Variants in CA12 observed in about 807,000 individuals in gnomAD.
CA12 encodes carbonate dehydratase XII.
A neutral mutation model predicts 46.8 loss-of-function variants in CA12; 36 were observed. The observed-to-expected ratio is 0.77, with a 90% confidence interval of 0.59 to 1.02. CA12 has a LOEUF of 1.02. Ranked by LOEUF, CA12 falls within the 50% of genes least tolerant of loss-of-function variation. CA12 has a pLI of 0.00. For synonymous variants in CA12, 202 were observed against 187.0 expected (o/e 1.08, Z -0.65); for missense variants, 436 against 451.4 (o/e 0.97, Z 0.31).
At chr15:63,379,508 G>T (rs758414534) in intron 1 of CA12, among the ~76,000 whole-genome samples, 3 of 152,208 alleles carry the variant, frequency 2.0e-5, no homozygotes, top group Non-Finnish European at 1.5e-5. Flanking sequence ...CCAGGCCAAG[G>T]CCTCAGTGGC....
Position 63,358,636 on chromosome 15 carries a change from T to A in CA12, c.107-11927A>T, listed in dbSNP as rs1018287622. 7.6e-4 allele frequency among the ~76,000 whole-genome samples: 116 copies of A among 152,212 alleles called. 1 individual carries two copies. Among genetic ancestry groups the A allele is most frequent in the Non-Finnish European group, 1.9e-4 (13 of 68,026 alleles). On this transcript the variant is annotated intron_variant, in intron 2 of 10. Coordinates refer to ENST00000178638, the MANE Select transcript of CA12 (RefSeq NM_001218.5). Reference sequence around the variant, plus strand: ...AGAAGCCATGACTTGATTTGGCATTTAGACAGCAGGCCGGGGGAAATCGGG... The same window carrying A: ...AGAAGCCATGACTTGATTTGGCATTAAGACAGCAGGCCGGGGGAAATCGGG...
intron 4 of CA12, among the ~76,000 whole-genome samples, chr15:63,344,318 C>G (rs1410857040): frequency 6.6e-6 from 1 of 152,212 alleles, no homozygotes; most frequent in Non-Finnish European, 1.5e-5. Flanking sequence ...AATATTGAAG[C>G]CCTCAAAATC....
chr15:63,334,904 C>T (rs2038981057), intron 8 of CA12, among the ~76,000 whole-genome samples: 1 of 152,212 alleles, frequency 6.6e-6, no homozygotes, highest in African/African-American at 2.4e-5. Context: ...GCCTCAGTAA[C>T]TTCAGCCTTA....
chr15:63,346,305 T>G (rs917283149), intron 3 of CA12, among the ~76,000 whole-genome samples: 2 of 152,182 alleles, frequency 1.3e-5, no homozygotes, highest in Non-Finnish European at 2.9e-5. Context: ...CTGAGAGATG[T>G]GCTTCTTCTG....
chr15:63,340,660 C>CACA lies in CA12; in HGVS notation c.589+57_589+59dup, dbSNP rs1222338120. 1.0e-5 allele frequency: 16 copies of CACA among 1,557,808 alleles called. No homozygotes were observed. The highest frequency in any genetic ancestry group is 9.7e-6 in the Non-Finnish European group (11 of 1,128,768). ...CTTGTGTTTGCTTTTCTTAAAGTCA[C>CACA]ACAGGGCTGACTACCTCCTTCTCCA... On this transcript the variant is annotated intron_variant, in intron 6 of 10. Transcript: ENST00000178638. The surrounding 1 kb of genome is among the most constrained non-coding windows in gnomAD (Gnocchi z 4.4).
rs2039284592 is a variant in CA12, at chr15:63,355,570, G to T, written c.107-8861C>A. On this transcript the variant is annotated intron_variant, in intron 2 of 10. Coordinates refer to ENST00000178638, the MANE Select transcript of CA12 (RefSeq NM_001218.5). The surrounding 1 kb of genome is among the most constrained non-coding windows in gnomAD (Gnocchi z 4.1). ...AGGCTGAGAAGCGCTGCACTAGACT[G>T]TCAGCTCGCTTTCTGCATGCGTGTA... is the stretch of plus-strand genomic sequence containing the variant. 6.6e-6 allele frequency among the ~76,000 whole-genome samples: 1 copy of T among 152,234 alleles called. No individual in the cohort carries two copies. Among genetic ancestry groups the T allele is most frequent in the Non-Finnish European group, 1.5e-5 (1 of 68,036 alleles).
Position 63,373,716 on chromosome 15 carries a change from G to A in CA12, c.106+1942C>T, listed in dbSNP as rs1024992010. Among the ~76,000 whole-genome samples, 9 of 152,168 alleles carry A rather than the reference G, an allele frequency of 5.9e-5. No homozygotes were observed. The highest frequency in any genetic ancestry group is 2.2e-4 in the African/African-American group (9 of 41,426). ...GAAGTATTCCAGGTGATCCTGATGT[G>A]GGTGATCCCAAGCCGTAGTTTGAGA... On this transcript the variant is annotated intron_variant, in intron 2 of 10. Coordinates refer to ENST00000178638, the MANE Select transcript of CA12 (RefSeq NM_001218.5). The surrounding 1 kb of genome is among the most constrained non-coding windows in gnomAD (Gnocchi z 4.9).
Position 63,369,361 on chromosome 15 carries a change from C to T in CA12, c.106+6297G>A, listed in dbSNP as rs559373228. On this transcript the variant is annotated intron_variant, in intron 2 of 10. Coordinates refer to ENST00000178638, the MANE Select transcript of CA12 (RefSeq NM_001218.5). ...TTAGTTCATTTAATCTGCACCATAG[C>T]TCTGCGAGGCAAAGAGAAAGAAACT... Among the ~76,000 whole-genome samples the T allele has an allele frequency of 5.1e-4, 77 of 152,308 alleles. 1 individual carries two copies. In the South Asian group the frequency reaches 0.016, roughly 32 times the overall value.
At position 63,378,158 on chromosome 15, in the gene CA12, C is replaced by T. The variant is rs908075233; in HGVS notation, c.86-2480G>A. Among the ~76,000 whole-genome samples, 14 of 152,302 alleles carry T rather than the reference C, an allele frequency of 9.2e-5. No homozygotes were observed. The highest frequency in any genetic ancestry group is 3.4e-4 in the African/African-American group (14 of 41,558). ...ATCCCAGCACTTTGGAAGACCAAGA[C>T]AGGCAGATCGCCTGAGGTCAGGAGT... is the stretch of plus-strand genomic sequence containing the variant. On this transcript the variant is annotated intron_variant, in intron 1 of 10. Transcript: ENST00000178638. The surrounding 1 kb of genome is among the most constrained non-coding windows in gnomAD (Gnocchi z 4.8).
In CA12 at chr15:63,329,119, A is replaced by G. The variant is rs1246160362; in HGVS notation, c.875-989T>C. Among the ~76,000 whole-genome samples the G allele has an allele frequency of 1.3e-5, 2 of 152,232 alleles. No homozygotes were observed. Among genetic ancestry groups the G allele is most frequent in the African/African-American group, 4.8e-5 (2 of 41,466 alleles). On this transcript the variant is annotated intron_variant, in intron 8 of 10. Transcript: ENST00000178638. The surrounding 1 kb of genome is among the most constrained non-coding windows in gnomAD (Gnocchi z 4.8). ...TGGTACCTGCCTCACTTCCTAAGCA[A>G]GGAATCCATCACCAGACTTCTCCCC...
In CA12 at chr15:63,373,938, A is replaced by G. The variant is rs560607986; in HGVS notation, c.106+1720T>C. Among the ~76,000 whole-genome samples the G allele has an allele frequency of 8.5e-5, 13 of 152,130 alleles. No homozygotes were observed. Among genetic ancestry groups the G allele is most frequent in the Admixed American group, 2.0e-4 (3 of 15,274 alleles). On this transcript the variant is annotated intron_variant, in intron 2 of 10. Transcript: ENST00000178638. The surrounding 1 kb of genome is among the most constrained non-coding windows in gnomAD (Gnocchi z 4.9). ...CAGATTCTGCGATTCTTACTTTGTCAGTTCTCTTATCCTGGCCTGGCCTTC... is the reference window on the plus strand; with the variant it reads ...CAGATTCTGCGATTCTTACTTTGTCGGTTCTCTTATCCTGGCCTGGCCTTC...
chr15:63,376,745 C>A (rs955497499), intron 1 of CA12, among the ~76,000 whole-genome samples: 2 of 151,876 alleles, frequency 1.3e-5, no homozygotes, highest in African/African-American at 4.8e-5. Flanking sequence ...TGGGCTCAAG[C>A]AATCCTCCCA....
intron 2 of CA12, among the ~76,000 whole-genome samples, chr15:63,369,706 G>C (rs2039478639): frequency 6.6e-6 from 1 of 152,198 alleles, no homozygotes; most frequent in Admixed American, 6.5e-5. Context: ...AAGGCTCAGA[G>C]AGGTCATTAC....
rs374309113 is a variant in CA12, at chr15:63,381,626, G to T, written c.85+10C>A. The T allele has an allele frequency of 1.7e-4, 280 of 1,608,252 alleles. 2 individuals are homozygous for T. The highest frequency in any genetic ancestry group is 4.9e-4 in the Middle Eastern group (3 of 6,078). ...AGGAGTGTTAGGAAAGAAGCAGGCG[G>T]AAACTTTACCGTTCACTGGGGCCGG... On this transcript the variant is annotated intron_variant, in intron 1 of 10. Transcript: ENST00000178638.
At chr15:63,376,600 T>TTCTTTCTC (rs10623502) in intron 1 of CA12, among the ~76,000 whole-genome samples, 122 of 134,190 alleles carry the variant, frequency 9.1e-4, no homozygotes, top group South Asian at 1.9e-3. Context: ...CTTTCTTTCT[T>TTCTTTCTC]TCTCTCTCTC....
rs1336856691 is a variant in CA12, at chr15:63,331,626, G to C, written c.875-3496C>G. On this transcript the variant is annotated intron_variant, in intron 8 of 10. Transcript: ENST00000178638. The surrounding 1 kb of genome is among the most constrained non-coding windows in gnomAD (Gnocchi z 5.3). ...AAAGTGCTCGGGTATGACTCAGGGC[G>C]AGCAGAGAGACGGCAGTGTGACACA... 6.6e-6 allele frequency: 1 copy of C among 152,218 alleles called. No individual in the cohort carries two copies. The highest frequency in any genetic ancestry group is 1.5e-5 in the Non-Finnish European group (1 of 68,090). 9.4% of individuals were successfully genotyped at this position (152,218 alleles called of 1,614,324 possible).
chr15:63,363,006 A>T (rs1351313430), intron 2 of CA12, among the ~76,000 whole-genome samples: 1 of 152,106 alleles, frequency 6.6e-6, no homozygotes, highest in African/African-American at 2.4e-5. Context: ...TCACTTACAA[A>T]ATGGAAGTGG....
At chr15:63,367,340 C>T (rs1244134943) in intron 2 of CA12, among the ~76,000 whole-genome samples, 3 of 152,216 alleles carry the variant, frequency 2.0e-5, no homozygotes, top group Non-Finnish European at 4.4e-5. Context: ...GTAAACACTG[C>T]CTCATACTTG....
intron 8 of CA12, among the ~76,000 whole-genome samples, chr15:63,336,587 G>A (rs1420584231): frequency 8.7e-6 from 1 of 115,302 alleles, no homozygotes; most frequent in Non-Finnish European, 1.6e-5. Context: ...GTCTCACTCT[G>A]TCACCCAGGC....
Sources: allele counts gnomAD v4.1 joint callset (sites outside exome capture counted in the v4.1 genomes callset), GRCh38; gene constraint gnomAD v4.1.1; non-coding constraint Gnocchi (gnomAD v3.1); transcripts MANE v1.5; gene names NCBI Gene and HGNC (gene_info 2026-07-23, HGNC 2026-07-21).